Variants in ABCC6 observed in about 807,000 individuals in gnomAD.
The protein encoded by ABCC6 is ATP-binding cassette sub-family C member 6.
A neutral mutation model predicts 169.5 loss-of-function variants in ABCC6; 126 were observed. That is an observed-to-expected ratio of 0.74 (90% CI 0.64 to 0.86). ABCC6 has a LOEUF of 0.86. ABCC6 is among the 40% of genes least tolerant of loss of function. ABCC6 has a pLI of 0.00. For synonymous variants in ABCC6, 752 were observed against 814.7 expected (o/e 0.92, Z 1.31); for missense variants, 1,733 against 1,927.2 (o/e 0.90, Z 1.89).
intron 4 of ABCC6, among the ~76,000 whole-genome samples, chr16:16,215,721 G>A (rs2048847409): frequency 6.6e-6 from 1 of 151,862 alleles, no homozygotes; most frequent in Admixed American, 6.6e-5. Context: ...TGATCCGCCT[G>A]CCTTGGCCTC....
intron 29 of ABCC6, among the ~76,000 whole-genome samples, chr16:16,153,436 C>T (rs1372841590): frequency 6.6e-6 from 1 of 152,092 alleles, no homozygotes; most frequent in Non-Finnish European, 1.5e-5. Flanking sequence ...ATAAGCCAGT[C>T]ACAAAAGGAC....
In ABCC6 at chr16:16,203,472, G is replaced by C; in HGVS notation, c.936C>G (p.Leu312=). 1.2e-6 allele frequency: 2 copies of C among 1,613,984 alleles called. No homozygotes were observed. The highest frequency in any genetic ancestry group is 1.7e-6 in the Non-Finnish European group (2 of 1,179,878). Residue 312 remains leucine (L), a synonymous_variant, in exon 8 of 31, where the codon CTC becomes CTG. Coordinates refer to ENST00000205557, the MANE Select transcript of ABCC6 (RefSeq NM_001171.6). ...TGATGATGAGGCTGAGGGTCCCCAG[G>C]AGGAAGGTAGAATGGAACACCTGCC... is the stretch of plus-strand genomic sequence containing the variant. The part of the protein sequence containing the change: ...AIWQVFHSTF[L]LGTLSLIISD...
At chr16:16,211,570 C>T (rs2048622697) in intron 6 of ABCC6, among the ~76,000 whole-genome samples, 1 of 152,112 alleles carries the variant, frequency 6.6e-6, no homozygotes, top group South Asian at 2.1e-4. Context: ...AAGTAACTGT[C>T]CAAAGCAACA....
chr16:16,154,841 C>T, intron 28 of ABCC6, 32 bp downstream of exon 28: 1 of 1,610,554 alleles, frequency 6.2e-7, no homozygotes, highest in Non-Finnish European at 8.5e-7. Flanking sequence ...ACCATGCCTC[C>T]CATCTTTGCC....
chr16:16,187,193 G>C lies in ABCC6; in HGVS notation c.1798C>G (p.Arg600Gly). 6.2e-7 allele frequency: 1 copy of C among 1,613,634 alleles called. No homozygotes were observed. The highest frequency in any genetic ancestry group is 8.5e-7 in the Non-Finnish European group (1 of 1,179,806). The change falls in exon 14 of 31, where the codon CGT (arginine) becomes GGT (glycine). Residue 600 changes from arginine to glycine, a missense_variant. Physicochemically the swap from Arg to Gly is moderately radical, Grantham distance 125. Around this residue, in one of 5 missense-constraint regions of ABCC6, gnomAD observed 1,601 missense variants for 1,635.5 expected, o/e 0.98. Coordinates refer to ENST00000205557, the MANE Select transcript of ABCC6 (RefSeq NM_001171.6). Reference sequence around the variant, plus strand: ...TCCAGGCAGAGGAAGGTGACCAGACGGTCAAAGGACACCCGGGCCTAGGAA... The same window carrying C: ...TCCAGGCAGAGGAAGGTGACCAGACCGTCAAAGGACACCCGGGCCTAGGAA... ...SLVQARVSFD[R>G]LVTFLCLEEV...
chr16:16,181,069 G>A (rs571552788), intron 17 of ABCC6, among the ~76,000 whole-genome samples: 2 of 152,156 alleles, frequency 1.3e-5, no homozygotes, highest in South Asian at 2.1e-4. Flanking sequence ...TTTGGGAGGC[G>A]GAGCTGGGTG....
In ABCC6 at chr16:16,178,782, A is replaced by G. The variant is rs781726295; in HGVS notation, c.2415+16T>C. The G allele has an allele frequency of 3.1e-6, 5 of 1,613,878 alleles. No homozygotes were observed. Among genetic ancestry groups the G allele is most frequent in the Admixed American group, 3.3e-5 (2 of 60,022 alleles). ...GCCTTTGCCCTGTACTGTCTGACACATGTTCCCAAACTTACTGTTCCCTGG... is the reference window on the plus strand; with the variant it reads ...GCCTTTGCCCTGTACTGTCTGACACGTGTTCCCAAACTTACTGTTCCCTGG... On this transcript the variant is annotated intron_variant, in intron 18 of 30. Coordinates refer to ENST00000205557, the MANE Select transcript of ABCC6 (RefSeq NM_001171.6).
At chr16:16,153,437 A>C (rs147501126) in intron 29 of ABCC6, among the ~76,000 whole-genome samples, 6 of 152,204 alleles carry the variant, frequency 3.9e-5, no homozygotes, top group Non-Finnish European at 8.8e-5. Context: ...TAAGCCAGTC[A>C]CAAAAGGACA....
At position 16,184,998 on chromosome 16, in the gene ABCC6, G is replaced by A; in HGVS notation, c.1904C>T (p.Thr635Ile). 6.2e-7 allele frequency: 1 copy of A among 1,613,880 alleles called. No homozygotes were observed. Among genetic ancestry groups the A allele is most frequent in the Middle Eastern group, 1.7e-4 (1 of 6,060 alleles). ...GKDCITIHSA[T>I]FAWSQESPPC... is the part of the protein sequence containing the mutation. Reference sequence around the variant, plus strand: ...AGGGCTTTCCTGGGACCAGGCGAAGGTGGCACTGTGTATGGTGATGCAATC... The same window carrying A: ...AGGGCTTTCCTGGGACCAGGCGAAGATGGCACTGTGTATGGTGATGCAATC... The change falls in exon 15 of 31, where the codon ACC becomes ATC. Residue 635 changes from threonine (T) to isoleucine (I), a missense_variant. Thr to Ile is a moderately conservative substitution (Grantham distance 89). Transcript: ENST00000205557.
chr16:16,220,716 C>T (rs1426186332), intron 2 of ABCC6, among the ~76,000 whole-genome samples: 3 of 151,810 alleles, frequency 2.0e-5, no homozygotes, highest in Admixed American at 1.3e-4. Context: ...GCCAACATGG[C>T]GAAACCCTGT....
chr16:16,194,692 A>G (rs1164766252), intron 10 of ABCC6, among the ~76,000 whole-genome samples: 2 of 151,746 alleles, frequency 1.3e-5, no homozygotes, highest in Admixed American at 6.6e-5. Context: ...TTATTTATTT[A>G]TTTGTTTGTT....
At chr16:16,187,329 A>C in intron 13 of ABCC6, 118 bp from the exon 14 acceptor site, 1 of 820,658 alleles carries the variant, frequency 1.2e-6, no homozygotes. Flanking sequence ...TGTGCATAGG[A>C]GGCGTGAGGA....
chr16:16,211,645 C>G (rs190525626), intron 6 of ABCC6, among the ~76,000 whole-genome samples: 1 of 152,054 alleles, frequency 6.6e-6, no homozygotes, highest in Non-Finnish European at 1.5e-5. Flanking sequence ...GTCTGAATGC[C>G]GTGTGGTTAG....
intron 10 of ABCC6, among the ~76,000 whole-genome samples, chr16:16,193,454 T>TGTAA (rs2047931382): frequency 6.6e-6 from 1 of 152,212 alleles, no homozygotes; most frequent in African/African-American, 2.4e-5. Context: ...GGATCATGCC[T>TGTAA]GTAATACCAG....
At chr16:16,195,513 A>G (rs950534485) in intron 10 of ABCC6, among the ~76,000 whole-genome samples, 1 of 151,832 alleles carries the variant, frequency 6.6e-6, no homozygotes, top group Non-Finnish European at 1.5e-5. Context: ...GGGTTTTGCC[A>G]TGTTGGCCAG....
In ABCC6 at chr16:16,198,036, G is replaced by C; in HGVS notation, c.1323C>G (p.Phe441Leu). The C allele has an allele frequency of 6.2e-7, 1 of 1,614,136 alleles. No individual in the cohort carries two copies. The highest frequency in any genetic ancestry group is 8.5e-7 in the Non-Finnish European group (1 of 1,180,014). ...TCTGGCATACCTGCCAGAGATAGAC[G>C]AAGCAGACCACGATCCAGACGAGAG... ...WLPLVWIVVC[F>L]VYLWQLLGPS... The change falls in exon 10 of 31, where the codon TTC becomes TTG. Residue 441 changes from phenylalanine (F) to leucine (L), a missense_variant. Phe to Leu is a conservative substitution (Grantham distance 22). This residue lies in a region of ABCC6 where 1,601 missense variants were observed against 1,635.5 expected (regional missense o/e 0.98). Coordinates refer to ENST00000205557, the MANE Select transcript of ABCC6 (RefSeq NM_001171.6).
rs749858819 is a variant in ABCC6, at chr16:16,176,001, G to A, written c.2591-15C>T. On this transcript the variant is annotated splice_polypyrimidine_tract_variant and intron_variant, in intron 19 of 30. Transcript: ENST00000205557. ...AGGTTCTGTTTCTGCAAGGTCAAGAGAGTCCTGTCACGCAACACGGCCCAG... is the reference window on the plus strand; with the variant it reads ...AGGTTCTGTTTCTGCAAGGTCAAGAAAGTCCTGTCACGCAACACGGCCCAG... 3.1e-6 allele frequency: 5 copies of A among 1,613,646 alleles called. No homozygotes were observed. In the Admixed American group the frequency reaches 8.3e-5, roughly 27 times the overall value.
chr16:16,166,476 T>G (rs1256785961), intron 22 of ABCC6, among the ~76,000 whole-genome samples: 2 of 151,956 alleles, frequency 1.3e-5, no homozygotes, highest in Non-Finnish European at 2.9e-5. Context: ...GCAGGAGATA[T>G]GAAGATGGCG....
At chr16:16,173,517 C>G in intron 20 of ABCC6, 113 bp from the exon 21 acceptor site, 2 of 1,270,472 alleles carry the variant, frequency 1.6e-6, no homozygotes, top group Non-Finnish European at 2.3e-6. Flanking sequence ...ACTCTGTACT[C>G]TTTCATTCAT....
Sources: allele counts gnomAD v4.1 joint callset (sites outside exome capture counted in the v4.1 genomes callset), GRCh38; gene constraint gnomAD v4.1.1; regional missense constraint gnomAD v4.1.1; transcripts MANE v1.5; gene names NCBI Gene and HGNC (gene_info 2026-07-23, HGNC 2026-07-21).